The following ZNF875 variants were observed in gnomAD, a reference collection of about 807,000 sequenced individuals.
The protein encoded by ZNF875 is HKR1, GLI-Kruppel zinc finger family member.
ZNF875 carries 14 observed loss-of-function variants against 11.2 expected under a neutral mutation model. The observed-to-expected ratio is 1.26, with a 90% CI of 0.83 to 1.96. The LOEUF is 1.96. Ranked by LOEUF, ZNF875 falls within the 30% of genes most tolerant of loss-of-function variation. ZNF875 has a pLI of 0.00. For missense variants in ZNF875, 752 were observed against 760.4 expected, an observed-to-expected ratio of 0.99 and a Z score of 0.13; for synonymous variants, 301 against 281.1, an observed-to-expected ratio of 1.07 and a Z score of -0.71.
At chr19:37,334,117 C>T (rs969093917), upstream of ZNF875, among the ~76,000 whole-genome samples, 9 of 152,182 alleles carry the variant, frequency 5.9e-5, no homozygotes, top group African/African-American at 1.7e-4. Context: ...CGGGAGTTTG[C>T]CCCAAACCAA....
chr19:37,329,944 A>G (rs1292872552), upstream of ZNF875, among the ~76,000 whole-genome samples: 5 of 152,132 alleles, frequency 3.3e-5, no homozygotes, highest in Admixed American at 1.3e-4. Context: ...GAGTTCTCAC[A>G]TGCGTGGATT....
chr19:37,326,088 T>C (rs1053401565), intron 4 of ZNF875, among the ~76,000 whole-genome samples: 6 of 152,218 alleles, frequency 3.9e-5, no homozygotes, highest in African/African-American at 1.2e-4. Context: ...GCAGTCCTCC[T>C]GTCTTGGCCT....
intron 4 of ZNF875, among the ~76,000 whole-genome samples, chr19:37,351,416 A>G (rs1435550878): frequency 6.6e-6 from 1 of 152,172 alleles, no homozygotes; most frequent in African/African-American, 2.4e-5. Flanking sequence ...GTATTAATCT[A>G]TATCCCATTT....
Position 37,335,125 on chromosome 19 carries a change from G to GC in ZNF875, c.-56-44_-56-43insC. On this transcript the variant is annotated intron_variant, in intron 1 of 4. Transcript: ENST00000392153. Reference sequence around the variant, plus strand: ...GGACTGCGCTTCACTTCGTGGGGAGGGTGTTTCCACCTAGGCCACTCTTAT... The same window carrying GC: ...GGACTGCGCTTCACTTCGTGGGGAGGCGTGTTTCCACCTAGGCCACTCTTAT... 5.9e-6 allele frequency: 4 copies of GC among 679,426 alleles called. No individual in the cohort carries two copies. The South Asian group carries it at 6.0e-5, about 10-fold the overall frequency. 42.1% of individuals were successfully genotyped at this position (679,426 alleles called of 1,614,324 possible). A position where few individuals can be genotyped will look rare whatever the true frequency, so the allele number is the denominator to read the frequency against.
intron 2 of ZNF875, among the ~76,000 whole-genome samples, chr19:37,336,154 C>A (rs898733026): frequency 2.6e-5 from 4 of 152,112 alleles, no homozygotes; most frequent in African/African-American, 7.2e-5. Flanking sequence ...AGGGCTGTCT[C>A]AATTGCCCCT....
Position 37,363,081 on chromosome 19 carries a change from T to C in ZNF875, c.1229T>C (p.Ile410Thr). The change falls in exon 5 of 5, where the codon ATC (isoleucine) becomes ACC (threonine). Residue 410 changes from isoleucine to threonine, a missense_variant. Physicochemically the swap from Ile to Thr is moderately conservative, Grantham distance 89. Coordinates refer to ENST00000392153, the MANE Select transcript of ZNF875 (RefSeq NM_001353803.2). ...GGCTTTAGCCAGAAGTCACACCTCA[T>C]CAGACACTTAAGGACACACACAGGA... ...EQGFSQKSHL[I>T]RHLRTHTGEK... The C allele has an allele frequency of 1.2e-6, 2 of 1,613,992 alleles. No homozygotes were observed. The highest frequency in any genetic ancestry group is 1.7e-6 in the Non-Finnish European group (2 of 1,180,006).
intron 2 of ZNF875, among the ~76,000 whole-genome samples, chr19:37,338,769 CTGT>C (rs1342568033): frequency 5.3e-5 from 8 of 152,156 alleles, no homozygotes; most frequent in African/African-American, 1.7e-4. Flanking sequence ...AAAGGAGTTT[CTGT>C]TGTTTGCTTT....
chr19:37,336,908 AAAAT>A (rs952486882), intron 2 of ZNF875, among the ~76,000 whole-genome samples: 2 of 152,030 alleles, frequency 1.3e-5, no homozygotes, highest in Admixed American at 6.6e-5. Context: ...ACTCCATCTC[AAAAT>A]AAATAAATAA....
chr19:37,363,744 T>G lies in ZNF875; in HGVS notation c.1892T>G (p.Leu631Arg). 1 of 1,614,114 alleles carries G rather than the reference T, an allele frequency of 6.2e-7. No homozygotes were observed. ...CGGGGCTTTAGTCGGAAGTCCAACCTTATCAGACATCAGAGGACACACTCA... is the reference window on the plus strand; with the variant it reads ...CGGGGCTTTAGTCGGAAGTCCAACCGTATCAGACATCAGAGGACACACTCA... ...CGRGFSRKSN[L>R]IRHQRTHSG The change falls in exon 5 of 5, where the codon CTT becomes CGT. Residue 631 changes from leucine to arginine, a missense_variant. Physicochemically the swap from Leu to Arg is moderately radical, Grantham distance 102. Transcript: ENST00000392153.
At chr19:37,339,241 G>A (rs1186870502) in intron 2 of ZNF875, among the ~76,000 whole-genome samples, 3 of 151,902 alleles carry the variant, frequency 2.0e-5, no homozygotes, top group South Asian at 2.1e-4. Context: ...TCATAATGGA[G>A]TAAAGTTACT....
chr19:37,319,369 A>ATATATATATATATATATATATATAT (rs56256521), intron 1 of ZNF875, among the ~76,000 whole-genome samples: 69 of 139,882 alleles, frequency 4.9e-4, no homozygotes, highest in Middle Eastern at 3.7e-3. Flanking sequence ...ATATATATAT[A>ATATATATATATATATATATATATAT]ATAAAAATGG....
rs1424337023 is a variant in ZNF875, at chr19:37,357,990, A to G, written c.257-4119A>G. On this transcript the variant is annotated intron_variant, in intron 4 of 4. Coordinates refer to ENST00000392153, the MANE Select transcript of ZNF875 (RefSeq NM_001353803.2). ...GAATGGTTTCAGCTTTCGCCCATTC[A>G]GTATGAAGTTGGCTGTAGGTCTGTC... is the stretch of plus-strand genomic sequence containing the variant. The G allele has an allele frequency of 1.5e-5, 6 of 398,344 alleles. No homozygotes were observed. The East Asian group carries it at 1.8e-4, about 12-fold the overall frequency. The allele number at this position is 398,344 out of a possible 1,614,324, so 24.7% of individuals were successfully genotyped here. A position where few individuals can be genotyped will look rare whatever the true frequency, so the allele number is the denominator to read the frequency against.
At chr19:37,344,627 T>A in intron 2 of ZNF875, 1 of 1,472,546 alleles carries the variant, frequency 6.8e-7, no homozygotes, top group Non-Finnish European at 9.5e-7. Flanking sequence ...GCAGATGAAT[T>A]AACTCCCCCA....
chr19:37,334,803 C>T (rs1395420955), intron 1 of ZNF875, 21 bp downstream of exon 1: 1 of 457,364 alleles, frequency 2.2e-6, no homozygotes, highest in South Asian at 1.5e-5. Flanking sequence ...TATAGGCAGT[C>T]AGCATGCCCC....
upstream of ZNF875, chr19:37,315,256 T>A (rs950180542): frequency 2.0e-5 from 3 of 152,230 alleles, no homozygotes; most frequent in African/African-American, 7.2e-5. Context: ...GCGTACTGAT[T>A]TTGAAACTTC....
Position 37,363,901 on chromosome 19 carries a change from C to A in ZNF875, c.*126C>A. On this transcript the variant is annotated 3_prime_UTR_variant, in exon 5 of 5. Coordinates refer to ENST00000392153, the MANE Select transcript of ZNF875 (RefSeq NM_001353803.2). Reference sequence around the variant, plus strand: ...TGCTAGATACCAAAGTGGAGACATTCTGTGTGTGATTATGCATGAGACTGT... The same window carrying A: ...TGCTAGATACCAAAGTGGAGACATTATGTGTGTGATTATGCATGAGACTGT... 1.4e-6 allele frequency: 1 copy of A among 725,788 alleles called. No homozygotes were observed. The allele number at this position is 725,788 out of a possible 1,614,324, so 45.0% of individuals were successfully genotyped here. A position where few individuals can be genotyped will look rare whatever the true frequency, so the allele number is the denominator to read the frequency against.
At chr19:37,331,231 C>CTT (rs142005460), upstream of ZNF875, among the ~76,000 whole-genome samples, 7 of 63,808 alleles carry the variant, frequency 1.1e-4, no homozygotes, top group Admixed American at 2.5e-4. Flanking sequence ...TAACTCCTTG[C>CTT]TTTTTTTTTT....
rs1476066375 is a variant in ZNF875 at position 37,355,205 on chromosome 19, T to G, written c.257-6904T>G. Among the ~76,000 whole-genome samples the G allele has an allele frequency of 3.3e-5, 5 of 152,230 alleles. 1 individual carries two copies. Among genetic ancestry groups the G allele is most frequent in the African/African-American group, 1.2e-4 (5 of 41,454 alleles). ...TTTGTCTTTGTTTTTGTTTTTGTTT[T>G]TTGAGACAGAGTCTCGCTCTGTCAC... On this transcript the variant is annotated intron_variant, in intron 4 of 4. Coordinates refer to ENST00000392153, the MANE Select transcript of ZNF875 (RefSeq NM_001353803.2).
intron 2 of ZNF875, among the ~76,000 whole-genome samples, chr19:37,336,534 C>T (rs1450063123): frequency 1.3e-5 from 2 of 150,654 alleles, no homozygotes; most frequent in Admixed American, 1.3e-4. Flanking sequence ...CTCCTGACCT[C>T]ATGATCCACC....
Sources: gnomAD v4.1 joint callset for allele counts (sites outside exome capture counted in the v4.1 genomes callset) on GRCh38, gnomAD v4.1.1 for gene constraint, MANE v1.5 for transcripts, NCBI Gene and HGNC (gene_info 2026-07-23, HGNC 2026-07-21) for gene names.